Variants in SPATA6 observed in about 807,000 individuals in gnomAD.
SPATA6 encodes spermatogenesis-associated protein 6.
SPATA6 carries 56 observed loss-of-function variants against 65.3 expected under a neutral mutation model. The observed-to-expected ratio is 0.86, with a 90% CI of 0.69 to 1.07. The LOEUF is 1.07. Ranked by LOEUF, SPATA6 falls within the 50% of genes least tolerant of loss-of-function variation. SPATA6 has a pLI of 0.00. For synonymous variants in SPATA6, 199 were observed against 213.2 expected (o/e 0.93, Z 0.58); for missense variants, 590 against 594.8 (o/e 0.99, Z 0.08).
chr1:48,284,986 G>A, the SPATA6 span, among the ~76,000 whole-genome samples: 1 of 152,176 alleles, frequency 6.6e-6, no homozygotes, highest in Non-Finnish European at 1.5e-5. Flanking sequence ...TCTCTTCAGA[G>A]CCAGCACGCA....
the SPATA6 span, among the ~76,000 whole-genome samples, chr1:48,279,457 C>T: frequency 6.6e-6 from 1 of 152,240 alleles, no homozygotes; most frequent in Admixed American, 6.5e-5. Flanking sequence ...CAGAGAAACA[C>T]ATAGGCTCAA....
At chr1:48,276,341 G>A in the SPATA6 span, among the ~76,000 whole-genome samples, 1 of 151,968 alleles carries the variant, frequency 6.6e-6, no homozygotes, top group Admixed American at 6.5e-5. Flanking sequence ...TTCTCATTCA[G>A]TTCTTCTCTG....
chr1:48,378,808 G>T (rs149235889), intron 9 of SPATA6, among the ~76,000 whole-genome samples: 17 of 152,260 alleles, frequency 1.1e-4, no homozygotes, highest in Admixed American at 3.3e-4. Context: ...GGGATTTCAA[G>T]CAAGTGGTAA....
intron 3 of SPATA6, among the ~76,000 whole-genome samples, chr1:48,439,994 G>T (rs187461857): frequency 1.3e-5 from 2 of 152,240 alleles, no homozygotes; most frequent in Admixed American, 1.3e-4. Flanking sequence ...TTCATTGAAG[G>T]AGAATCCACA....
chr1:48,453,519 T>G (rs2251915), intron 1 of SPATA6, among the ~76,000 whole-genome samples: 148,875 of 152,300 alleles, frequency 0.98, 72,855 homozygotes, highest in East Asian at 1. Context: ...CACTATATTA[T>G]AGAATTTTAA....
chr1:48,286,863 CCT>C, the SPATA6 span, among the ~76,000 whole-genome samples: 1 of 151,858 alleles, frequency 6.6e-6, no homozygotes, highest in South Asian at 2.1e-4. Flanking sequence ...ATGGTGAAGC[CCT>C]GTCTCTACTA....
At chr1:48,376,635 C>T (rs7518922) in intron 9 of SPATA6, among the ~76,000 whole-genome samples, 24,034 of 151,852 alleles carry the variant, frequency 0.16, 2,325 homozygotes, top group Admixed American at 0.26. Context: ...TATGAGAACA[C>T]ATTCAGTCAT....
chr1:48,353,958 G>A (rs1244579731), intron 11 of SPATA6, among the ~76,000 whole-genome samples: 1 of 151,872 alleles, frequency 6.6e-6, no homozygotes, highest in Non-Finnish European at 1.5e-5. Context: ...AAGGCACAGA[G>A]TGGAAAAAAA....
chr1:48,410,489 G>T (rs1455158959), intron 5 of SPATA6, among the ~76,000 whole-genome samples: 1 of 151,974 alleles, frequency 6.6e-6, no homozygotes, highest in African/African-American at 2.4e-5. Context: ...CACATTCTCG[G>T]GTATCTTATA....
intron 11 of SPATA6, chr1:48,325,737 G>A: frequency 5.8e-6 from 3 of 519,224 alleles, no homozygotes; most frequent in South Asian, 5.4e-5. Flanking sequence ...AATGGCCCAA[G>A]TATCTCGCGC....
chr1:48,435,718 G>T (rs192484683), intron 3 of SPATA6, among the ~76,000 whole-genome samples: 3 of 151,886 alleles, frequency 2.0e-5, no homozygotes, highest in African/African-American at 7.3e-5. Context: ...CCAAGCCCAC[G>T]GCCCCGGTCG....
At chr1:48,430,016 T>C (rs1279019412) in intron 3 of SPATA6, among the ~76,000 whole-genome samples, 3 of 152,042 alleles carry the variant, frequency 2.0e-5, no homozygotes, top group South Asian at 4.2e-4. Flanking sequence ...AAAGGACCAA[T>C]GGACACACTG....
At chr1:48,339,750 A>G (rs1204958634) in intron 11 of SPATA6, among the ~76,000 whole-genome samples, 3 of 152,082 alleles carry the variant, frequency 2.0e-5, no homozygotes, top group East Asian at 3.9e-4. Flanking sequence ...TAAAAATTGG[A>G]AAGAGCGCAA....
intron 9 of SPATA6, among the ~76,000 whole-genome samples, chr1:48,361,648 T>A (rs984668346): frequency 6.6e-6 from 1 of 152,180 alleles, no homozygotes; most frequent in Non-Finnish European, 1.5e-5. Context: ...GACAGCTATC[T>A]AATTCTTCTC....
intron 3 of SPATA6, chr1:48,436,093 T>C (rs1654913571): frequency 6.2e-7 from 1 of 1,609,736 alleles, no homozygotes; most frequent in African/African-American, 1.3e-5. Flanking sequence ...GTCACCTCCA[T>C]CCACTAGAGC....
chr1:48,439,704 C>T (rs746829946), intron 3 of SPATA6, among the ~76,000 whole-genome samples: 9 of 148,212 alleles, frequency 6.1e-5, no homozygotes, highest in Admixed American at 2.0e-4. Flanking sequence ...CAGGCATTAA[C>T]AGGCTCACCC....
the SPATA6 span, among the ~76,000 whole-genome samples, chr1:48,273,422 C>A: frequency 6.6e-6 from 1 of 151,942 alleles, no homozygotes; most frequent in Non-Finnish European, 1.5e-5. Context: ...ATACACGTAC[C>A]ATGGTGGTTT....
the SPATA6 span, among the ~76,000 whole-genome samples, chr1:48,283,883 C>T: frequency 1.4e-4 from 21 of 152,038 alleles, no homozygotes; most frequent in Admixed American, 3.9e-4. Flanking sequence ...ATTTCAACCA[C>T]GGTGAATCTG....
intron 11 of SPATA6, among the ~76,000 whole-genome samples, chr1:48,319,551 G>C (rs923634195): frequency 6.6e-6 from 1 of 152,146 alleles, no homozygotes; most frequent in African/African-American, 2.4e-5. Flanking sequence ...GAAAATCAAG[G>C]AAAGAAGATA....
Sources: allele counts gnomAD v4.1 joint callset (sites outside exome capture counted in the v4.1 genomes callset), GRCh38; gene constraint gnomAD v4.1.1; transcripts MANE v1.5; gene names NCBI Gene and HGNC (gene_info 2026-07-23, HGNC 2026-07-21).